Variants in SORCS2 observed in about 807,000 individuals in gnomAD.
The protein encoded by SORCS2 is VPS10 domain-containing receptor SorCS2.
Under a neutral mutation model 141.6 loss-of-function variants are expected in SORCS2, and 100 were observed. That is an observed-to-expected ratio of 0.71 (90% CI 0.60 to 0.83). The LOEUF is 0.83. Among genes scored for constraint, SORCS2 ranks in the 40% least tolerant of loss-of-function variants. SORCS2 has a pLI of 0.00. For missense variants in SORCS2, 1,646 were observed against 1,560.2 expected, an observed-to-expected ratio of 1.05 and a Z score of -0.93; for synonymous variants, 789 against 676.9, an observed-to-expected ratio of 1.17 and a Z score of -2.57.
chr4:7,273,174 T>C (rs184304690), intron 1 of SORCS2, among the ~76,000 whole-genome samples: 4 of 152,280 alleles, frequency 2.6e-5, no homozygotes, highest in Non-Finnish European at 5.9e-5. Flanking sequence ...TTATGAATAT[T>C]TACAAAGACA....
intron 1 of SORCS2, among the ~76,000 whole-genome samples, chr4:7,268,008 C>T (rs967996863): frequency 2.6e-5 from 4 of 152,166 alleles, no homozygotes; most frequent in Non-Finnish European, 5.9e-5. Flanking sequence ...GATGCAGGCC[C>T]GCTGGTGCCG....
At chr4:7,531,161 A>G (rs1711603000) in intron 2 of SORCS2, among the ~76,000 whole-genome samples, 1 of 152,230 alleles carries the variant, frequency 6.6e-6, no homozygotes, top group Non-Finnish European at 1.5e-5. Flanking sequence ...TCAGGCAGTG[A>G]ACTATCCCTT....
chr4:7,495,122 C>T (rs1418647457), intron 2 of SORCS2, among the ~76,000 whole-genome samples: 1 of 152,230 alleles, frequency 6.6e-6, no homozygotes, highest in Non-Finnish European at 1.5e-5. Context: ...GGTGCTGGTA[C>T]TACAGTCAGC....
chr4:7,436,034 G>T (rs749201356), intron 2 of SORCS2, among the ~76,000 whole-genome samples: 13 of 152,280 alleles, frequency 8.5e-5, no homozygotes, highest in Non-Finnish European at 1.5e-4. Flanking sequence ...CAATAGTGCA[G>T]GGTGCTTCCC....
At chr4:7,574,243 G>T (rs1375734893) in intron 3 of SORCS2, among the ~76,000 whole-genome samples, 2 of 152,236 alleles carry the variant, frequency 1.3e-5, no homozygotes, top group Non-Finnish European at 2.9e-5. Flanking sequence ...CGGAGGTGAG[G>T]TGCAGCGAGG....
At chr4:7,480,992 A>C (rs1730594045) in intron 2 of SORCS2, among the ~76,000 whole-genome samples, 1 of 152,242 alleles carries the variant, frequency 6.6e-6, no homozygotes, top group South Asian at 2.1e-4. Flanking sequence ...AGGTGGCGAA[A>C]TCCTGAGGGG....
At chr4:7,264,542 C>T (rs563187136) in intron 1 of SORCS2, among the ~76,000 whole-genome samples, 1 of 152,186 alleles carries the variant, frequency 6.6e-6, no homozygotes, top group South Asian at 2.1e-4. Flanking sequence ...GCACTCAGCC[C>T]CTGGTCTGGG....
chr4:7,248,068 C>T (rs1560138822), intron 1 of SORCS2, among the ~76,000 whole-genome samples: 1 of 152,206 alleles, frequency 6.6e-6, no homozygotes, highest in South Asian at 2.1e-4. Flanking sequence ...ATACACACAG[C>T]CCCGGGGGCC....
At chr4:7,266,473 C>G (rs1039331842) in intron 1 of SORCS2, among the ~76,000 whole-genome samples, 1 of 152,202 alleles carries the variant, frequency 6.6e-6, no homozygotes, top group African/African-American at 2.4e-5. Flanking sequence ...GTGCTCTGAG[C>G]TTTCCCGGGA....
chr4:7,415,329 A>G (rs1432876168), intron 2 of SORCS2, among the ~76,000 whole-genome samples: 1 of 152,208 alleles, frequency 6.6e-6, no homozygotes, highest in Non-Finnish European at 1.5e-5. Context: ...TCTAGGAAAG[A>G]ATCCATTCTC....
chr4:7,680,344 CA>C (rs1723444571), intron 9 of SORCS2, among the ~76,000 whole-genome samples: 2 of 152,220 alleles, frequency 1.3e-5, no homozygotes, highest in Admixed American at 1.3e-4. Context: ...TCCTGCAGAC[CA>C]AGGCCAGAGT....
Position 7,734,410 on chromosome 4 carries a change from G to T in SORCS2, c.3311+36G>T. On this transcript the variant is annotated intron_variant, in intron 25 of 26. Transcript: ENST00000507866. ...TGGCTGCCCTCCTCTGCGGGGCTCT[G>T]ACCATGGGGCCGTAGGAAGCCAGGC... is the stretch of plus-strand genomic sequence containing the variant. 2.1e-6 allele frequency: 3 copies of T among 1,410,296 alleles called. No individual in the cohort carries two copies. The South Asian group carries it at 4.3e-5, about 20-fold the overall frequency. 87.4% of individuals were successfully genotyped at this position (1,410,296 alleles called of 1,614,324 possible). A position where few individuals can be genotyped will look rare whatever the true frequency, so the allele number is the denominator to read the frequency against.
At chr4:7,555,144 G>A (rs1021671997) in intron 3 of SORCS2, among the ~76,000 whole-genome samples, 8 of 152,228 alleles carry the variant, frequency 5.3e-5, no homozygotes, top group African/African-American at 1.9e-4. Flanking sequence ...GACCTCTTCA[G>A]GGTAAACACT....
intron 1 of SORCS2, among the ~76,000 whole-genome samples, chr4:7,202,876 TG>T: frequency 6.6e-6 from 1 of 152,216 alleles, no homozygotes. Flanking sequence ...ACTATTTACA[TG>T]GAACTGCTGA....
At chr4:7,680,716 C>A (rs552550720) in intron 9 of SORCS2, among the ~76,000 whole-genome samples, 1 of 152,246 alleles carries the variant, frequency 6.6e-6, no homozygotes, top group Non-Finnish European at 1.5e-5. Flanking sequence ...GTGTGATCCC[C>A]TTGGCTCCTG....
At chr4:7,612,123 C>T (rs372429859) in intron 3 of SORCS2, among the ~76,000 whole-genome samples, 5 of 152,124 alleles carry the variant, frequency 3.3e-5, no homozygotes, top group Admixed American at 1.3e-4. Context: ...TGGAGGCTGA[C>T]GGGCCGAGTT....
chr4:7,232,177 G>A (rs1269923881), intron 1 of SORCS2, among the ~76,000 whole-genome samples: 1 of 152,192 alleles, frequency 6.6e-6, no homozygotes, highest in Admixed American at 6.5e-5. Context: ...GGCCCTGGGG[G>A]AAGCATGGGC....
At chr4:7,486,090 T>G (rs1424206894) in intron 2 of SORCS2, among the ~76,000 whole-genome samples, 2 of 152,174 alleles carry the variant, frequency 1.3e-5, no homozygotes, top group African/African-American at 4.8e-5. Context: ...AACTCCAGAC[T>G]GAAGCGTCCC....
chr4:7,298,180 G>A lies in SORCS2; in HGVS notation c.481-98108G>A, dbSNP rs562254569. On this transcript the variant is annotated intron_variant, in intron 1 of 26. Transcript: ENST00000507866. ...TGGAGGCTGTGTGCACCGCAGGCAT[G>A]CAAGACCCCCTGGGGTCCAGGACAT... Among the ~76,000 whole-genome samples the A allele has an allele frequency of 1.7e-4, 26 of 152,306 alleles. No individual in the cohort carries two copies. In the South Asian group the frequency reaches 3.7e-3, roughly 22 times the overall value.
Sources: allele counts gnomAD v4.1 joint callset (sites outside exome capture counted in the v4.1 genomes callset), GRCh38; gene constraint gnomAD v4.1.1; transcripts MANE v1.5; gene names NCBI Gene and HGNC (gene_info 2026-07-23, HGNC 2026-07-21).